Variants in FAM210A observed in about 807,000 individuals in gnomAD.
FAM210A encodes family with sequence similarity 210 member A.
A neutral mutation model predicts 25.3 loss-of-function variants in FAM210A; 13 were observed. The observed-to-expected ratio is 0.51, with a 90% CI of 0.33 to 0.82. The LOEUF (loss-of-function observed/expected upper bound fraction) is 0.82. Ranked by LOEUF, FAM210A falls within the 40% of genes least tolerant of loss-of-function variation. The pLI is 0.02. For synonymous variants in FAM210A, 125 were observed against 118.7 expected, an observed-to-expected ratio of 1.05 and a Z score of -0.35; for missense variants, 319 against 323.2, an observed-to-expected ratio of 0.99 and a Z score of 0.10.
chr18:13,695,190 C>T (rs1056800159), intron 1 of FAM210A, among the ~76,000 whole-genome samples: 5 of 152,112 alleles, frequency 3.3e-5, no homozygotes, highest in East Asian at 1.9e-4. Flanking sequence ...GTTAGAATGG[C>T]GATCATTAAA....
intron 1 of FAM210A, among the ~76,000 whole-genome samples, chr18:13,709,406 GC>G (rs1217365085): frequency 1.3e-5 from 2 of 152,132 alleles, no homozygotes; most frequent in African/African-American, 2.4e-5. Context: ...AAGACTTTTT[GC>G]AGTTCCCTCT....
At chr18:13,723,751 A>G (rs76179169) in intron 1 of FAM210A, among the ~76,000 whole-genome samples, 4,225 of 152,334 alleles carry the variant, frequency 0.028, 95 homozygotes, top group Non-Finnish European at 0.04. Context: ...CTGACATAAT[A>G]AAACTAATCA....
At chr18:13,697,865 T>C (rs2043707230) in intron 1 of FAM210A, among the ~76,000 whole-genome samples, 1 of 152,092 alleles carries the variant, frequency 6.6e-6, no homozygotes, top group Non-Finnish European at 1.5e-5. Flanking sequence ...GGCACCTTCA[T>C]ACAAACAGAA....
At chr18:13,680,186 A>C (rs1165838049) in intron 2 of FAM210A, among the ~76,000 whole-genome samples, 1 of 152,244 alleles carries the variant, frequency 6.6e-6, no homozygotes, top group Non-Finnish European at 1.5e-5. Context: ...AAATCCATTC[A>C]TTACATAGCA....
At chr18:13,668,502 T>C (rs535249741) in intron 3 of FAM210A, among the ~76,000 whole-genome samples, 137 of 152,316 alleles carry the variant, frequency 9.0e-4, no homozygotes, top group African/African-American at 3.1e-3. Flanking sequence ...CAGACTGAAC[T>C]TTTCCCCTGA....
chr18:13,699,807 T>C (rs2043724187), intron 1 of FAM210A, among the ~76,000 whole-genome samples: 1 of 152,308 alleles, frequency 6.6e-6, no homozygotes, highest in South Asian at 2.1e-4. Context: ...TTACCAATAA[T>C]TATTAGTTCT....
intron 3 of FAM210A, among the ~76,000 whole-genome samples, chr18:13,669,978 C>T (rs1038794171): frequency 7.2e-5 from 11 of 152,178 alleles, no homozygotes; most frequent in Admixed American, 6.5e-4. Context: ...CCCTCCATAT[C>T]TCCTACTTCA....
chr18:13,678,553 G>T (rs62084846), intron 2 of FAM210A, among the ~76,000 whole-genome samples: 8,264 of 152,280 alleles, frequency 0.054, 309 homozygotes, highest in Admixed American at 0.11. Context: ...GCCTCCCAAA[G>T]TGCTGGGATT....
intron 1 of FAM210A, among the ~76,000 whole-genome samples, chr18:13,689,842 GC>G (rs2043627838): frequency 6.6e-6 from 1 of 152,232 alleles, no homozygotes; most frequent in African/African-American, 2.4e-5. Context: ...CCAGTCTGCA[GC>G]TCCCAGCATG....
At chr18:13,724,739 C>G (rs909500904) in intron 1 of FAM210A, among the ~76,000 whole-genome samples, 1 of 152,184 alleles carries the variant, frequency 6.6e-6, no homozygotes, top group African/African-American at 2.4e-5. Context: ...TTCATAAACA[C>G]ATAGTTAAGA....
intron 1 of FAM210A, among the ~76,000 whole-genome samples, chr18:13,719,350 G>C (rs1001047858): frequency 2.0e-5 from 3 of 152,172 alleles, no homozygotes; most frequent in Admixed American, 6.5e-5. Context: ...TCACGTCCAA[G>C]AAGTTACAAA....
At chr18:13,693,261 CA>C (rs1440926567) in intron 1 of FAM210A, among the ~76,000 whole-genome samples, 1 of 151,952 alleles carries the variant, frequency 6.6e-6, no homozygotes, top group African/African-American at 2.4e-5. Flanking sequence ...AATAGCCCAC[CA>C]ACCAAAAAAA....
intron 1 of FAM210A, among the ~76,000 whole-genome samples, chr18:13,687,545 C>A (rs1437803549): frequency 6.6e-6 from 1 of 152,016 alleles, no homozygotes; most frequent in African/African-American, 2.4e-5. Flanking sequence ...GGGCACTCCA[C>A]AAGAAAAGGG....
intron 1 of FAM210A, among the ~76,000 whole-genome samples, chr18:13,699,432 C>A (rs1227308698): frequency 1.3e-5 from 2 of 152,004 alleles, no homozygotes; most frequent in Non-Finnish European, 2.9e-5. Context: ...ATTAATAATT[C>A]ATTAATTTCC....
intron 1 of FAM210A, among the ~76,000 whole-genome samples, chr18:13,686,558 C>G (rs1347372986): frequency 1.3e-5 from 2 of 152,138 alleles, no homozygotes; most frequent in Non-Finnish European, 2.9e-5. Context: ...CAACTTGACT[C>G]TATGCTCCTG....
intron 1 of FAM210A, among the ~76,000 whole-genome samples, chr18:13,704,880 T>A (rs2043766329): frequency 6.6e-6 from 1 of 152,198 alleles, no homozygotes; most frequent in South Asian, 2.1e-4. Flanking sequence ...TATAACTATT[T>A]AAAGTCATTT....
chr18:13,702,019 T>C (rs926635486), intron 1 of FAM210A, among the ~76,000 whole-genome samples: 2 of 152,206 alleles, frequency 1.3e-5, no homozygotes, highest in African/African-American at 4.8e-5. Context: ...GGGCAGCAAC[T>C]TGCAAAATTA....
chr18:13,680,231 G>T (rs765077271), intron 2 of FAM210A, among the ~76,000 whole-genome samples: 17 of 152,098 alleles, frequency 1.1e-4, no homozygotes, highest in Non-Finnish European at 2.4e-4. Flanking sequence ...TGATCAAAAT[G>T]GTAACTTTAT....
intron 1 of FAM210A, among the ~76,000 whole-genome samples, chr18:13,686,832 T>C (rs547641465): frequency 1.9e-4 from 29 of 152,190 alleles, no homozygotes; most frequent in Non-Finnish European, 3.4e-4. Context: ...TGAGGTTGAT[T>C]AGTGAATTCT....
Sources: allele counts gnomAD v4.1 joint callset (sites outside exome capture counted in the v4.1 genomes callset), GRCh38; gene constraint gnomAD v4.1.1; transcripts MANE v1.5; gene names NCBI Gene and HGNC (gene_info 2026-07-23, HGNC 2026-07-21).